Variants in NDE1 observed in about 807,000 individuals in gnomAD.
NDE1 encodes the protein nuclear distribution protein nudE homolog 1.
NDE1 carries 28 observed loss-of-function variants against 43.4 expected under a neutral mutation model. That is an observed-to-expected ratio of 0.65 (90% CI 0.48 to 0.89). NDE1 has a LOEUF of 0.89. Ranked by LOEUF, NDE1 falls within the 40% of genes least tolerant of loss-of-function variation. The pLI, the probability that NDE1 is intolerant of heterozygous loss-of-function variation, is 0.00. For synonymous variants in NDE1, 184 were observed against 172.0 expected (o/e 1.07, Z -0.55); for missense variants, 441 against 434.1 (o/e 1.02, Z -0.14).
In NDE1 at chr16:15,726,045, C is replaced by T. The variant is rs1596735894; in HGVS notation, c.*1794C>T. On this transcript the variant is annotated 3_prime_UTR_variant, in exon 9 of 9. Transcript: ENST00000396354. The stretch of plus-strand genomic sequence containing the variant: ...TTTTCTACTTACCACAGGGCCTTTG[C>T]ACACGCTGTTCCCTCTGCCTGGTAG... 1.4e-5 allele frequency: 3 copies of T among 218,260 alleles called. No homozygotes were observed. In the East Asian group the frequency reaches 2.8e-4, roughly 21 times the overall value. 13.5% of individuals were successfully genotyped at this position (218,260 alleles called of 1,614,324 possible).
At chr16:15,695,376 TG>T in intron 7 of NDE1, 2 of 432,248 alleles carry the variant, frequency 4.6e-6, no homozygotes, top group Non-Finnish European at 3.1e-6. Context: ...GGAATGGTGG[TG>T]GGCACCTGCG....
chr16:15,656,445 T>C (rs1408050242), intron 1 of NDE1, among the ~76,000 whole-genome samples: 2 of 152,176 alleles, frequency 1.3e-5, no homozygotes. Flanking sequence ...GCATCTCAGA[T>C]TCATTTCTTT....
At chr16:15,695,203 CTTT>C (rs71134451) in intron 7 of NDE1, among the ~76,000 whole-genome samples, 6 of 79,686 alleles carry the variant, frequency 7.5e-5, no homozygotes, top group Admixed American at 1.5e-4. Flanking sequence ...AAACTGCCAC[CTTT>C]TTTTTTTTTT....
intron 8 of NDE1, chr16:15,718,115 G>T: frequency 1.3e-6 from 1 of 790,786 alleles, no homozygotes; most frequent in Non-Finnish European, 2.0e-6. Context: ...ACACTGCAGC[G>T]TGGAGAGGAG....
At chr16:15,695,523 A>C in intron 7 of NDE1, 2 of 984,450 alleles carry the variant, frequency 2.0e-6, no homozygotes, top group Non-Finnish European at 2.4e-6. Context: ...AAATCTTGAA[A>C]GCCTAGGGCA....
intron 8 of NDE1, among the ~76,000 whole-genome samples, chr16:15,705,139 G>A (rs1300872059): frequency 6.6e-6 from 1 of 151,954 alleles, no homozygotes; most frequent in Admixed American, 6.6e-5. Flanking sequence ...ACACTGCCAC[G>A]CCTGGCTAAT....
In NDE1 at chr16:15,696,652, G is replaced by T. The variant is rs978742163; in HGVS notation, c.796-57G>T. The T allele has an allele frequency of 3.0e-4, 483 of 1,613,372 alleles. 1 individual carries two copies. The highest frequency in any genetic ancestry group is 2.5e-4 in the Admixed American group (15 of 59,986). On this transcript the variant is annotated intron_variant, in intron 7 of 8. Coordinates refer to ENST00000396354, the MANE Select transcript of NDE1 (RefSeq NM_017668.3). ...GGTTCGTTCTTCTGTACAGGCTCTG[G>T]TAAGACAGAATAGTCCTTGCCTATA...
intron 6 of NDE1, among the ~76,000 whole-genome samples, chr16:15,693,171 A>G (rs2038838796): frequency 6.6e-6 from 1 of 151,918 alleles, no homozygotes; most frequent in Non-Finnish European, 1.5e-5. Context: ...ATGCCCAGCT[A>G]ATTTTGTATT....
At chr16:15,652,645 T>C (rs776609397) in intron 1 of NDE1, among the ~76,000 whole-genome samples, 1 of 152,146 alleles carries the variant, frequency 6.6e-6, no homozygotes, top group Non-Finnish European at 1.5e-5. Context: ...CAATAGCTAT[T>C]TTACTTTTTG....
chr16:15,670,356 C>T (rs1035270735), intron 3 of NDE1, among the ~76,000 whole-genome samples: 1 of 151,990 alleles, frequency 6.6e-6, no homozygotes, highest in African/African-American at 2.4e-5. Flanking sequence ...ATGTGGGGGC[C>T]TTTCAAGAGA....
intron 8 of NDE1, among the ~76,000 whole-genome samples, chr16:15,706,004 A>AAAAAAAAAT (rs1567671064): frequency 6.6e-6 from 1 of 150,900 alleles, no homozygotes; most frequent in African/African-American, 2.4e-5. Flanking sequence ...AAAAAAAAAA[A>AAAAAAAAAT]ATCAAGGCCC....
chr16:15,691,801 G>A (rs1176482153), intron 6 of NDE1, among the ~76,000 whole-genome samples: 1 of 151,680 alleles, frequency 6.6e-6, no homozygotes, highest in Non-Finnish European at 1.5e-5. Context: ...GCTAACTTTT[G>A]TATTTTAGGT....
chr16:15,659,598 G>A (rs62036925), intron 1 of NDE1, among the ~76,000 whole-genome samples: 8,091 of 151,248 alleles, frequency 0.053, 243 homozygotes, highest in East Asian at 0.11. Context: ...CACCATGCCC[G>A]GCTAATTTTT....
intron 1 of NDE1, among the ~76,000 whole-genome samples, chr16:15,656,519 T>TTTATTATTA (rs58046044): frequency 2.6e-4 from 40 of 151,232 alleles, no homozygotes; most frequent in African/African-American, 8.7e-4. Flanking sequence ...GCTCTTTTCT[T>TTTATTATTA]TTATTATTAT....
intron 7 of NDE1, chr16:15,695,362 G>A (rs558691192): frequency 5.6e-6 from 2 of 354,328 alleles, no homozygotes; most frequent in African/African-American, 2.2e-5. Context: ...ACAAAAATTA[G>A]CCAGGAATGG....
chr16:15,675,494 C>T (rs1464654454), intron 3 of NDE1, among the ~76,000 whole-genome samples: 3 of 150,230 alleles, frequency 2.0e-5, no homozygotes, highest in African/African-American at 7.4e-5. Context: ...GGGAGTGCAG[C>T]GGCGTGATCA....
At position 15,724,967 on chromosome 16, in the gene NDE1, A is replaced by G; in HGVS notation, c.*716A>G. ...GGCCTTCCCCTCGGCCTCGTTAAGC[A>G]TCCCTGTGACGCTCTCAACTTCATT... On this transcript the variant is annotated 3_prime_UTR_variant, in exon 9 of 9. Coordinates refer to ENST00000396354, the MANE Select transcript of NDE1 (RefSeq NM_017668.3). 1.2e-6 allele frequency: 2 copies of G among 1,614,080 alleles called. No homozygotes were observed. Among genetic ancestry groups the G allele is most frequent in the Non-Finnish European group, 1.7e-6 (2 of 1,180,020 alleles).
chr16:15,720,191 T>A lies in NDE1; in HGVS notation c.948-4000T>A, dbSNP rs773307101. 3 of 1,614,120 alleles carry A rather than the reference T, an allele frequency of 1.9e-6. No homozygotes were observed. Among genetic ancestry groups the A allele is most frequent in the Non-Finnish European group, 1.7e-6 (2 of 1,180,014 alleles). On this transcript the variant is annotated intron_variant, in intron 8 of 8. Coordinates refer to ENST00000396354, the MANE Select transcript of NDE1 (RefSeq NM_017668.3). ...CTGCTTGATGGCTTCCTCCCTCCCC[T>A]TGATGGCAGAGTCGGCCTGAAGCTC...
rs112740726 is a variant in NDE1, at chr16:15,716,936, T to C, written c.948-7255T>C. On this transcript the variant is annotated intron_variant, in intron 8 of 8. Transcript: ENST00000396354. ...GAGATGCTAAGAGCAGCTCACACTT[T>C]AGGTGCTTGCCCTAGGCCAGGAACC... Among the ~76,000 whole-genome samples the C allele has an allele frequency of 1.6e-3, 245 of 152,342 alleles. 2 individuals carry two copies. The Middle Eastern group carries it at 0.017, about 11-fold the overall frequency.
Sources: allele counts gnomAD v4.1 joint callset (sites outside exome capture counted in the v4.1 genomes callset), GRCh38; gene constraint gnomAD v4.1.1; transcripts MANE v1.5; gene names NCBI Gene and HGNC (gene_info 2026-07-23, HGNC 2026-07-21).